Variants in CTNNA3 observed in about 807,000 individuals in gnomAD.
CTNNA3 encodes the protein catenin alpha-3.
In CTNNA3, 76 loss-of-function variants were observed where a neutral mutation model predicts 95.7. The ratio of observed to expected loss-of-function variants is 0.79; its 90% CI spans 0.66 to 0.96. The LOEUF (loss-of-function observed/expected upper bound fraction) is 0.96, where lower values mean the gene tolerates loss of function less well. CTNNA3 is among the 40% of genes least tolerant of loss of function. The pLI, the probability that CTNNA3 is intolerant of heterozygous loss-of-function variation, is 0.00. For missense variants in CTNNA3, 1,191 were observed against 1,089.8 expected (o/e 1.09, Z -1.31); for synonymous variants, 431 against 374.4 (o/e 1.15, Z -1.74).
At chr10:67,236,432 A>G (rs1342489490) in intron 5 of CTNNA3, among the ~76,000 whole-genome samples, 2 of 148,400 alleles carry the variant, frequency 1.3e-5, no homozygotes, top group African/African-American at 2.5e-5. Context: ...AACACCGCAT[A>G]TTCTCACTCA....
At chr10:65,935,425 G>A (rs1378750809) in intron 17 of CTNNA3, among the ~76,000 whole-genome samples, 1 of 151,928 alleles carries the variant, frequency 6.6e-6, no homozygotes, top group Non-Finnish European at 1.5e-5. Context: ...TGGTTATTAT[G>A]CCTTGATTTA....
At chr10:67,052,379 C>T (rs1209244710) in intron 7 of CTNNA3, among the ~76,000 whole-genome samples, 1 of 149,350 alleles carries the variant, frequency 6.7e-6, no homozygotes, top group Non-Finnish European at 1.5e-5. Context: ...GCGGCCAATG[C>T]CTTACTGTCT....
At chr10:66,631,352 T>C (rs1201235970) in intron 9 of CTNNA3, among the ~76,000 whole-genome samples, 1 of 152,178 alleles carries the variant, frequency 6.6e-6, no homozygotes, top group Non-Finnish European at 1.5e-5. Context: ...AACGTTCCTA[T>C]TAATTTAAAC....
intron 5 of CTNNA3, among the ~76,000 whole-genome samples, chr10:67,225,695 C>T (rs761640586): frequency 2.8e-4 from 43 of 152,266 alleles, no homozygotes; most frequent in Non-Finnish European, 4.4e-4. Context: ...ATCAAGGGAA[C>T]ACCCCTTGGG....
chr10:67,136,959 A>C (rs1860333937), intron 7 of CTNNA3, among the ~76,000 whole-genome samples: 1 of 152,200 alleles, frequency 6.6e-6, no homozygotes, highest in African/African-American at 2.4e-5. Flanking sequence ...GCATATAAAA[A>C]GGACCAGGCA....
At chr10:67,255,650 A>G (rs1037956070) in intron 5 of CTNNA3, among the ~76,000 whole-genome samples, 3 of 152,308 alleles carry the variant, frequency 2.0e-5, no homozygotes, top group Admixed American at 1.3e-4. Context: ...AAGTTAAAAC[A>G]CTGATAAGCA....
chr10:67,374,964 G>T (rs542113793), intron 5 of CTNNA3, among the ~76,000 whole-genome samples: 2 of 152,152 alleles, frequency 1.3e-5, no homozygotes, highest in East Asian at 3.9e-4. Context: ...ATTAAGTTAG[G>T]ACATAAATAG....
At chr10:66,339,468 T>C (rs1311877939) in intron 12 of CTNNA3, among the ~76,000 whole-genome samples, 2 of 151,802 alleles carry the variant, frequency 1.3e-5, no homozygotes, top group Non-Finnish European at 3.0e-5. Flanking sequence ...ATTTCTTCTT[T>C]GAGAAGATTA....
intron 16 of CTNNA3, among the ~76,000 whole-genome samples, chr10:65,971,791 C>T (rs1295276801): frequency 1.3e-5 from 2 of 151,990 alleles, no homozygotes; most frequent in Non-Finnish European, 2.9e-5. Flanking sequence ...GAAGGAGAGA[C>T]TCCTCTTTAG....
intron 11 of CTNNA3, among the ~76,000 whole-genome samples, chr10:66,484,801 T>C (rs1839669536): frequency 6.6e-6 from 1 of 151,992 alleles, no homozygotes; most frequent in Non-Finnish European, 1.5e-5. Flanking sequence ...AGGCCAATAT[T>C]CCTGATAAAT....
At chr10:67,463,106 G>A (rs943740883) in intron 5 of CTNNA3, among the ~76,000 whole-genome samples, 1 of 151,856 alleles carries the variant, frequency 6.6e-6, no homozygotes, top group African/African-American at 2.4e-5. Context: ...GTTTAACCAT[G>A]TTGGCCAGTC....
intron 7 of CTNNA3, chr10:66,928,563 C>T: frequency 1.0e-6 from 1 of 991,210 alleles, no homozygotes; most frequent in South Asian, 1.7e-5. Context: ...CCTTCCCTCT[C>T]CCTCTCACTT....
intron 7 of CTNNA3, among the ~76,000 whole-genome samples, chr10:67,167,319 A>C (rs577259760): frequency 6.6e-6 from 1 of 152,232 alleles, no homozygotes; most frequent in Non-Finnish European, 1.5e-5. Context: ...TTGGCTAGGA[A>C]TGCAGCTCTA....
At chr10:67,651,958 T>G (rs568775754) in intron 1 of CTNNA3, among the ~76,000 whole-genome samples, 2 of 152,374 alleles carry the variant, frequency 1.3e-5, no homozygotes, top group South Asian at 4.1e-4. Context: ...CTCTATGTAT[T>G]AGTTCATGGT....
intron 7 of CTNNA3, among the ~76,000 whole-genome samples, chr10:66,830,455 G>A (rs1159148799): frequency 6.6e-6 from 1 of 152,136 alleles, no homozygotes; most frequent in East Asian, 1.9e-4. Flanking sequence ...TTATTTACCT[G>A]TAGTCCCAGA....
At position 66,927,207 on chromosome 10, in the gene CTNNA3, C is replaced by G; in HGVS notation, c.1048-151683G>C. On this transcript the variant is annotated intron_variant, in intron 7 of 17. Transcript: ENST00000433211. The surrounding 1 kb of genome is among the most constrained non-coding windows in gnomAD (Gnocchi z 4.7). ...GGCTATACCTTGACCATAACCATAT[C>G]AGCAATATTGACGAAAATGCTTTTA... The G allele has an allele frequency of 6.2e-7, 1 of 1,614,148 alleles. No homozygotes were observed. The highest frequency in any genetic ancestry group is 8.5e-7 in the Non-Finnish European group (1 of 1,180,032).
At chr10:66,485,884 A>G (rs1839709670) in intron 11 of CTNNA3, among the ~76,000 whole-genome samples, 1 of 152,142 alleles carries the variant, frequency 6.6e-6, no homozygotes, top group South Asian at 2.1e-4. Flanking sequence ...GTTGGCATAA[A>G]AACACATGGA....
intron 5 of CTNNA3, among the ~76,000 whole-genome samples, chr10:67,246,442 G>T (rs970071406): frequency 6.6e-5 from 10 of 152,154 alleles, no homozygotes; most frequent in African/African-American, 2.2e-4. Flanking sequence ...CAGAAGGTTG[G>T]TGTTTGCCTC....
intron 12 of CTNNA3, among the ~76,000 whole-genome samples, chr10:66,332,020 G>A (rs1400907813): frequency 1.3e-5 from 2 of 151,910 alleles, no homozygotes; most frequent in Non-Finnish European, 2.9e-5. Flanking sequence ...GTGAATGGGA[G>A]TTCACTCATG....
Sources: allele counts gnomAD v4.1 joint callset (sites outside exome capture counted in the v4.1 genomes callset), GRCh38; gene constraint gnomAD v4.1.1; non-coding constraint Gnocchi (gnomAD v3.1); transcripts MANE v1.5; gene names NCBI Gene and HGNC (gene_info 2026-07-23, HGNC 2026-07-21).